The following MTOR variants were observed in gnomAD, a reference collection of about 807,000 sequenced individuals.
The protein encoded by MTOR is mechanistic target of rapamycin kinase.
In MTOR, 70 loss-of-function variants were observed where a neutral mutation model predicts 319.8. The ratio of observed to expected loss-of-function variants is 0.22; its 90% CI spans 0.18 to 0.27. The LOEUF is 0.27. Ranked by LOEUF, MTOR falls within the 10% of genes least tolerant of loss-of-function variation. The pLI, the probability that MTOR is intolerant of heterozygous loss-of-function variation, is 1.00. For missense variants in MTOR, 1,890 were observed against 3,274.4 expected (o/e 0.58, Z 10.32); for synonymous variants, 1,183 against 1,211.4 (o/e 0.98, Z 0.49).
chr1:11,215,539 G>A (rs1197813236), intron 20 of MTOR, among the ~76,000 whole-genome samples: 1 of 152,192 alleles, frequency 6.6e-6, no homozygotes, highest in Non-Finnish European at 1.5e-5. Context: ...CCATCCCTGT[G>A]AAGCAATCTT....
In MTOR at chr1:11,124,540, G is replaced by C. The variant is rs373990757; in HGVS notation, c.6620C>G (p.Thr2207Ser). 1.1e-5 allele frequency: 17 copies of C among 1,611,990 alleles called. No homozygotes were observed. In the African/African-American group the frequency reaches 1.7e-4, roughly 16 times the overall value. ...RVMQLFGLVN[T>S]LLANDPTSLR... ...AGATGTTGGGTCATTGGCCAGAAGG[G>C]TGTTAACCAGGCCGAAGAGCTGCAT... Residue 2207 changes from threonine (T) to serine (S), a missense_variant, in exon 47 of 58, where the codon ACC (threonine) becomes AGC (serine). Physicochemically the swap from Thr to Ser is moderately conservative, Grantham distance 58 (BLOSUM62 1). Around this residue, in one of 15 missense-constraint regions of MTOR, gnomAD observed 249 missense variants for 596.2 expected, o/e 0.42. Transcript: ENST00000361445.
At chr1:11,114,600 G>T (rs1557739780) in intron 52 of MTOR, 147 bp from the exon 53 acceptor site, 2 of 1,223,320 alleles carry the variant, frequency 1.6e-6, no homozygotes, top group Admixed American at 2.3e-5. Context: ...AGGAATCAGG[G>T]CAGGACTGTG....
rs1160804464 is a variant in MTOR, at chr1:11,130,671, T to C, written c.5471A>G (p.Asn1824Ser). The C allele has an allele frequency of 4.3e-6, 7 of 1,612,114 alleles. No homozygotes were observed. The highest frequency in any genetic ancestry group is 5.9e-6 in the Non-Finnish European group (7 of 1,179,296). ...KKKLRHASGA[N>S]ITNATTAATT... ...GGCGGCAGTGGTGGCGTTGGTGATGTTGGCCCCGCTGGCATGACGCAGTTT... is the reference window on the plus strand; with the variant it reads ...GGCGGCAGTGGTGGCGTTGGTGATGCTGGCCCCGCTGGCATGACGCAGTTT... Residue 1824 changes from asparagine to serine, a missense_variant, in exon 39 of 58, where the codon AAC becomes AGC. Asn to Ser is a conservative substitution (Grantham distance 46). Transcript: ENST00000361445.
chr1:11,245,325 TAGGAGAGA>T (rs1194098722), intron 8 of MTOR, among the ~76,000 whole-genome samples: 1 of 152,114 alleles, frequency 6.6e-6, no homozygotes, highest in Non-Finnish European at 1.5e-5. Context: ...ACACATAAAA[TAGGAGAGA>T]AGGGAAAACC....
Position 11,130,426 on chromosome 1 carries a change from C to T in MTOR, c.5613+103G>A, listed in dbSNP as rs552399876. On this transcript the variant is annotated intron_variant, in intron 39 of 57. Coordinates refer to ENST00000361445, the MANE Select transcript of MTOR (RefSeq NM_004958.4). ...CAGTATTTTCCAGCTCCATCTGGCA[C>T]TTCAGATACAGCCTCAGGTTCCTTT... 31 of 1,526,096 alleles carry T rather than the reference C, an allele frequency of 2.0e-5. No homozygotes were observed. The South Asian group carries it at 3.2e-4, about 16-fold the overall frequency. 94.5% of individuals were successfully genotyped at this position (1,526,096 alleles called of 1,614,324 possible). A position where few individuals can be genotyped will look rare whatever the true frequency, so the allele number is the denominator to read the frequency against.
intron 36 of MTOR, among the ~76,000 whole-genome samples, chr1:11,135,926 G>C: frequency 6.6e-6 from 1 of 151,628 alleles, no homozygotes; most frequent in East Asian, 1.9e-4. Flanking sequence ...CCTGAGGTCA[G>C]GAGTTCGAGA....
intron 26 of MTOR, among the ~76,000 whole-genome samples, chr1:11,202,851 T>C (rs1205036580): frequency 6.6e-6 from 1 of 151,980 alleles, no homozygotes; most frequent in African/African-American, 2.4e-5. Context: ...GAGGCTGCAG[T>C]GAGCCGAGAT....
intron 1 of MTOR, 59 bp downstream of exon 1, chr1:11,262,386 T>C (rs1449833424): frequency 6.6e-6 from 1 of 152,408 alleles, no homozygotes; most frequent in Non-Finnish European, 1.5e-5. Flanking sequence ...ACGGGCAGGC[T>C]GGCCGTGGGT....
chr1:11,155,897 G>T (rs555787772), intron 30 of MTOR, among the ~76,000 whole-genome samples: 15 of 152,360 alleles, frequency 9.8e-5, no homozygotes, highest in Admixed American at 2.0e-4. Context: ...TGAAGGAACA[G>T]TGGACCCTCA....
rs1187024965 is a variant in MTOR at position 11,139,361 on chromosome 1, T to G, written c.5073A>C (p.Thr1691=). 1 of 1,613,600 alleles carries G rather than the reference T, an allele frequency of 6.2e-7. No individual in the cohort carries two copies. The highest frequency in any genetic ancestry group is 1.3e-5 in the African/African-American group (1 of 74,982). The change falls in exon 36 of 58, where the codon ACA becomes ACC. Residue 1691 remains threonine (T), a synonymous_variant. Transcript: ENST00000361445. ...AGGCATAGGTCACCTGAGGGTGAACTGTTGGCAGAGGATGGTCAAGTTGCC... is the reference window on the plus strand; with the variant it reads ...AGGCATAGGTCACCTGAGGGTGAACGGTTGGCAGAGGATGGTCAAGTTGCC... ...PSRQLDHPLP[T]VHPQVTYAYM...
chr1:11,219,344 G>A (rs931230902), intron 19 of MTOR, among the ~76,000 whole-genome samples: 3 of 152,090 alleles, frequency 2.0e-5, no homozygotes, highest in African/African-American at 4.8e-5. Flanking sequence ...TTTGCCAGTT[G>A]TGATGTGGGG....
intron 20 of MTOR, among the ~76,000 whole-genome samples, chr1:11,215,800 A>G (rs939535060): frequency 9.8e-5 from 15 of 152,364 alleles, no homozygotes; most frequent in Middle Eastern, 6.8e-3. Flanking sequence ...TTCATGGTTT[A>G]TGAGCAGTAA....
In MTOR at chr1:11,234,131, G is replaced by A. The variant is rs373596606; in HGVS notation, c.2331+12C>T. On this transcript the variant is annotated intron_variant, in intron 14 of 57. Coordinates refer to ENST00000361445, the MANE Select transcript of MTOR (RefSeq NM_004958.4). ...CGCACAGAGAAAGCACCAGCCTCTC[G>A]GTTTGTGTTACCTTCAGAATAGGCT... 1.3e-4 allele frequency: 206 copies of A among 1,613,920 alleles called. No individual in the cohort carries two copies. Among genetic ancestry groups the A allele is most frequent in the Non-Finnish European group, 1.7e-4 (195 of 1,179,994 alleles).
chr1:11,251,700 C>A (rs1649717139), intron 6 of MTOR, among the ~76,000 whole-genome samples: 1 of 145,130 alleles, frequency 6.9e-6, no homozygotes, highest in Non-Finnish European at 1.5e-5. Context: ...TTATGTTGCC[C>A]AGGCTGGTCT....
At position 11,228,300 on chromosome 1, in the gene MTOR, T is replaced by C. The variant is rs1158159354; in HGVS notation, c.3030+368A>G. On this transcript the variant is annotated intron_variant, in intron 19 of 57. Coordinates refer to ENST00000361445, the MANE Select transcript of MTOR (RefSeq NM_004958.4). ...ACCTCCCAGGTTCAAGGGATTCTCC[T>C]GCCTTAGCCTCCCGAGTAGCTGGGA... Among the ~76,000 whole-genome samples the C allele has an allele frequency of 2.0e-5, 3 of 152,082 alleles. No homozygotes were observed. The East Asian group carries it at 5.8e-4, about 29-fold the overall frequency.
At chr1:11,228,555 G>T in intron 19 of MTOR, 113 bp downstream of exon 19, 2 of 1,373,492 alleles carry the variant, frequency 1.5e-6, no homozygotes, top group Non-Finnish European at 2.0e-6. Context: ...GGGGGAGGAA[G>T]GCATTGGGCT....
rs142544102 is a variant in MTOR, at chr1:11,112,904, G to A, written c.7314C>T (p.Gly2438=). 37 of 1,614,184 alleles carry A rather than the reference G, an allele frequency of 2.3e-5. No individual in the cohort carries two copies. The African/African-American group carries it at 4.1e-4, about 18-fold the overall frequency. The change falls in exon 54 of 58, where the codon GGC becomes GGT. Residue 2438 remains glycine, a synonymous_variant. Coordinates refer to ENST00000361445, the MANE Select transcript of MTOR (RefSeq NM_004958.4). ...CCGTCCTCGTTCGGGATCGCTTGTT[G>A]CCTTTGGTATTTGCTAGGGAGAGAA... ...NWRLMDTNTK[G]NKRSRTRTDS...
intron 36 of MTOR, among the ~76,000 whole-genome samples, 170 bp from the exon 37 acceptor site, chr1:11,134,636 G>T (rs1259149488): frequency 6.6e-6 from 1 of 152,208 alleles, no homozygotes; most frequent in Non-Finnish European, 1.5e-5. Flanking sequence ...TACTGGGAGA[G>T]ACTGGGCTTT....
rs1386047254 is a variant in MTOR, at chr1:11,250,218, G to A, written c.841-2124C>T. ...TCCCGGACGGGGCGGCTGGCCGGGC[G>A]GGGGGCTGACCCCCCACCTCCCTCC... On this transcript the variant is annotated intron_variant, in intron 6 of 57. Coordinates refer to ENST00000361445, the MANE Select transcript of MTOR (RefSeq NM_004958.4). Among the ~76,000 whole-genome samples the A allele has an allele frequency of 9.1e-4, 75 of 82,818 alleles. 5 individuals carry two copies. The highest frequency in any genetic ancestry group is 1.9e-3 in the Non-Finnish European group (57 of 30,554). 54.3% of individuals were successfully genotyped at this position (82,818 alleles called of 152,430 possible). A position where few individuals can be genotyped will look rare whatever the true frequency, so the allele number is the denominator to read the frequency against.
Sources: gnomAD v4.1 joint callset for allele counts (sites outside exome capture counted in the v4.1 genomes callset) on GRCh38, gnomAD v4.1.1 for gene constraint, gnomAD v4.1.1 regional missense constraint, MANE v1.5 for transcripts, NCBI Gene and HGNC (gene_info 2026-07-23, HGNC 2026-07-21) for gene names.